The following MTRF1 variants were observed in gnomAD, a reference collection of about 807,000 sequenced individuals.
MTRF1 encodes mitochondrial translation release factor 1.
Under a neutral mutation model 62.9 loss-of-function variants are expected in MTRF1, and 51 were observed. That is an observed-to-expected ratio of 0.81 (90% CI 0.65 to 1.02). The LOEUF (loss-of-function observed/expected upper bound fraction) is 1.02, where lower values mean the gene tolerates loss of function less well. MTRF1 is among the 50% of genes least tolerant of loss of function. The pLI, the probability that MTRF1 is intolerant of heterozygous loss-of-function variation, is 0.00. For synonymous variants in MTRF1, 158 were observed against 181.9 expected (o/e 0.87, Z 1.06); for missense variants, 446 against 530.0 (o/e 0.84, Z 1.56).
At chr13:41,290,816 G>C in the MTRF1 span, among the ~76,000 whole-genome samples, 1 of 151,464 alleles carries the variant, frequency 6.6e-6, no homozygotes, top group Non-Finnish European at 1.5e-5. Flanking sequence ...GTAGAGGCTG[G>C]ACGCAGTGGC....
In MTRF1 at chr13:41,217,158, G is replaced by A; in HGVS notation, c.1295C>T (p.Ala432Val). ...QRLLQSADEE[A>V]IAELLDEHLK... ...GTGTTCATCCAAAAGTTCAGCAATG[G>A]CTTCTTCATCTGCTGATTGAAGCAG... The change falls in exon 10 of 10, where the codon GCC becomes GTC. Residue 432 changes from alanine to valine, a missense_variant. By Grantham distance (64) the Ala-to-Val change is moderately conservative (BLOSUM62 0). Coordinates refer to ENST00000379480, the MANE Select transcript of MTRF1 (RefSeq NM_004294.4). 2 of 1,608,146 alleles carry A rather than the reference G, an allele frequency of 1.2e-6. No individual in the cohort carries two copies. Among genetic ancestry groups the A allele is most frequent in the South Asian group, 2.2e-5 (2 of 89,778 alleles).
chr13:41,248,994 C>A (rs1043832911), intron 5 of MTRF1, among the ~76,000 whole-genome samples: 3 of 151,986 alleles, frequency 2.0e-5, no homozygotes, highest in African/African-American at 7.3e-5. Context: ...GTACCTATTG[C>A]CACAAAATGA....
chr13:41,268,381 T>C (rs2040864391), upstream of MTRF1, among the ~76,000 whole-genome samples: 1 of 152,170 alleles, frequency 6.6e-6, no homozygotes, highest in African/African-American at 2.4e-5. Context: ...TTAGAAAGTT[T>C]GTCAAATATC....
intron 5 of MTRF1, among the ~76,000 whole-genome samples, chr13:41,242,819 C>T (rs1213602983): frequency 6.6e-6 from 1 of 152,122 alleles, no homozygotes; most frequent in Non-Finnish European, 1.5e-5. Flanking sequence ...CGCAGTGGTT[C>T]ATGCCTGTAA....
chr13:41,252,640 C>G lies in MTRF1; in HGVS notation c.697+5G>C, dbSNP rs751601707. On this transcript the variant is annotated splice_donor_5th_base_variant and intron_variant, in intron 5 of 9. Transcript: ENST00000379480. ...TCCTACAGGCAAATTCCTCAATATG[C>G]CTACCATAATCTGCTGGTGTATAAT... 16 of 1,602,500 alleles carry G rather than the reference C, an allele frequency of 1.0e-5. No homozygotes were observed. In the African/African-American group the frequency reaches 2.1e-4, roughly 21 times the overall value.
rs963172560 is a variant in MTRF1, at chr13:41,233,848, T to C, written c.988+42A>G. On this transcript the variant is annotated intron_variant, in intron 7 of 9. Coordinates refer to ENST00000379480, the MANE Select transcript of MTRF1 (RefSeq NM_004294.4). ...ATTTCCTTCCAAATGCTGAGTAAGA[T>C]GGAAAAAGGGTTAAAAGTACAAAGC... The C allele has an allele frequency of 1.4e-5, 21 of 1,465,578 alleles. 1 individual carries two copies. The highest frequency in any genetic ancestry group is 8.4e-5 in the African/African-American group (6 of 71,694). 90.8% of individuals were successfully genotyped at this position (1,465,578 alleles called of 1,614,324 possible).
Position 41,234,027 on chromosome 13 carries a change from A to G in MTRF1, c.871-20T>C, listed in dbSNP as rs746764067. The G allele has an allele frequency of 1.3e-6, 2 of 1,522,492 alleles. No individual in the cohort carries two copies. The highest frequency in any genetic ancestry group is 1.8e-6 in the Non-Finnish European group (2 of 1,096,528). The allele number at this position is 1,522,492 out of a possible 1,614,324, so 94.3% of individuals were successfully genotyped here. On this transcript the variant is annotated intron_variant, in intron 6 of 9. Coordinates refer to ENST00000379480, the MANE Select transcript of MTRF1 (RefSeq NM_004294.4). ...ATCCACCTAGAACAGAAGGCATGGC[A>G]TAATTCTACACTCCGTGAATACTTT...
chr13:41,234,516 T>C (rs1460654827), intron 6 of MTRF1, among the ~76,000 whole-genome samples: 1 of 152,184 alleles, frequency 6.6e-6, no homozygotes, highest in African/African-American at 2.4e-5. Context: ...TAGGATGTTA[T>C]GAGATCACTG....
the MTRF1 span, among the ~76,000 whole-genome samples, chr13:41,308,702 C>T: frequency 3.3e-5 from 5 of 152,136 alleles, no homozygotes; most frequent in African/African-American, 1.2e-4. Context: ...GGCCCTTGAA[C>T]CCCCACTTTT....
At chr13:41,277,269 CT>C in the MTRF1 span, among the ~76,000 whole-genome samples, 2 of 151,952 alleles carry the variant, frequency 1.3e-5, no homozygotes, top group African/African-American at 2.4e-5. Context: ...GTAGTTGGGA[CT>C]ACAGGTGCAT....
intron 9 of MTRF1, among the ~76,000 whole-genome samples, chr13:41,220,338 A>C (rs1054550955): frequency 9.9e-5 from 15 of 151,874 alleles, no homozygotes; most frequent in Admixed American, 2.6e-4. Context: ...AAAAAAAAAA[A>C]AAAAAAAACA....
chr13:41,289,039 A>G, the MTRF1 span, among the ~76,000 whole-genome samples: 1 of 152,180 alleles, frequency 6.6e-6, no homozygotes, highest in African/African-American at 2.4e-5. Context: ...AAAGAACTCA[A>G]CGTTGACCAT....
At chr13:41,224,808 T>C (rs1261181987) in intron 8 of MTRF1, among the ~76,000 whole-genome samples, 1 of 152,180 alleles carries the variant, frequency 6.6e-6, no homozygotes, top group Non-Finnish European at 1.5e-5. Flanking sequence ...TTCAGGTAGG[T>C]GGATAAGTTA....
At chr13:41,283,162 T>C in the MTRF1 span, among the ~76,000 whole-genome samples, 1 of 152,246 alleles carries the variant, frequency 6.6e-6, no homozygotes, top group Non-Finnish European at 1.5e-5. Flanking sequence ...TGATAGAATC[T>C]AGCAGCTCTT....
At chr13:41,237,645 C>T (rs143309721) in intron 6 of MTRF1, among the ~76,000 whole-genome samples, 12 of 152,164 alleles carry the variant, frequency 7.9e-5, no homozygotes, top group East Asian at 5.8e-4. Context: ...TACAGGCACG[C>T]GCCACCACAC....
chr13:41,277,002 C>T, the MTRF1 span, among the ~76,000 whole-genome samples: 12 of 152,278 alleles, frequency 7.9e-5, no homozygotes, highest in African/African-American at 2.9e-4. Context: ...GCACTTATTG[C>T]ATAACCACCC....
chr13:41,246,898 C>G (rs1489637121), intron 5 of MTRF1, among the ~76,000 whole-genome samples: 1 of 152,220 alleles, frequency 6.6e-6, no homozygotes, highest in Non-Finnish European at 1.5e-5. Flanking sequence ...TTTCAAGCTT[C>G]TCTTCTTCCT....
At chr13:41,232,113 A>G (rs1344991716) in intron 7 of MTRF1, among the ~76,000 whole-genome samples, 3 of 152,060 alleles carry the variant, frequency 2.0e-5, no homozygotes, top group Non-Finnish European at 4.4e-5. Context: ...ATGAAACAAA[A>G]ATAAACTCAG....
chr13:41,254,188 C>A (rs1235470506), intron 3 of MTRF1, among the ~76,000 whole-genome samples: 2 of 152,152 alleles, frequency 1.3e-5, no homozygotes, highest in African/African-American at 2.4e-5. Flanking sequence ...CCTTAATTAA[C>A]AGCCACCATG....
Sources: gnomAD v4.1 joint callset for allele counts (sites outside exome capture counted in the v4.1 genomes callset) on GRCh38, gnomAD v4.1.1 for gene constraint, MANE v1.5 for transcripts, NCBI Gene and HGNC (gene_info 2026-07-23, HGNC 2026-07-21) for gene names.